Variants in SDK1 observed in about 807,000 individuals in gnomAD.
The protein encoded by SDK1 is protein sidekick-1.
SDK1 carries 157 observed loss-of-function variants against 245.5 expected under a neutral mutation model. The ratio of observed to expected loss-of-function variants is 0.64; its 90% CI spans 0.56 to 0.73. SDK1 has a LOEUF of 0.73. SDK1 is among the 30% of genes least tolerant of loss of function. The pLI, the probability that SDK1 is intolerant of heterozygous loss-of-function variation, is 0.00. For missense variants in SDK1, 3,583 were observed against 3,002.3 expected (o/e 1.19, Z -4.52); for synonymous variants, 1,647 against 1,278.5 (o/e 1.29, Z -6.15).
chr7:4,019,051 G>A (rs577358520), intron 17 of SDK1, among the ~76,000 whole-genome samples: 3 of 152,150 alleles, frequency 2.0e-5, no homozygotes, highest in African/African-American at 7.2e-5. Context: ...ATGCAGTTTC[G>A]GCCCCACAAG....
chr7:3,821,372 T>G (rs1351602450), intron 4 of SDK1, 78 bp from the exon 5 acceptor site: 21 of 1,482,112 alleles, frequency 1.4e-5, no homozygotes, highest in Non-Finnish European at 1.9e-5. Flanking sequence ...CCTTTATAGT[T>G]GGCCTAATTA....
intron 4 of SDK1, among the ~76,000 whole-genome samples, chr7:3,647,125 C>G (rs537037278): frequency 3.3e-4 from 51 of 152,310 alleles, no homozygotes; most frequent in Non-Finnish European, 5.7e-4. Context: ...GTGGCTCACA[C>G]CTGTACTCCC....
chr7:3,380,959 C>A (rs746340267), intron 1 of SDK1, among the ~76,000 whole-genome samples: 1 of 152,140 alleles, frequency 6.6e-6, no homozygotes, highest in Non-Finnish European at 1.5e-5. Flanking sequence ...TTATGTTTTT[C>A]AAACTGGAGC....
chr7:3,547,364 G>A (rs1779257042), intron 1 of SDK1, among the ~76,000 whole-genome samples: 1 of 152,112 alleles, frequency 6.6e-6, no homozygotes, highest in Admixed American at 6.6e-5. Flanking sequence ...TAAAATTGAG[G>A]TTTTAAAACT....
intron 1 of SDK1, among the ~76,000 whole-genome samples, chr7:3,394,648 A>G (rs1781846773): frequency 6.6e-6 from 1 of 152,132 alleles, no homozygotes; most frequent in East Asian, 1.9e-4. Flanking sequence ...CTTTCGATCC[A>G]TAAATATTGA....
At chr7:4,190,901 G>T (rs1343933264) in intron 35 of SDK1, among the ~76,000 whole-genome samples, 1 of 152,220 alleles carries the variant, frequency 6.6e-6, no homozygotes, top group Non-Finnish European at 1.5e-5. Flanking sequence ...CTGGGCCGGA[G>T]GGTGGAGGGC....
At chr7:3,398,768 GTTT>G (rs35147042) in intron 1 of SDK1, among the ~76,000 whole-genome samples, 1 of 136,962 alleles carries the variant, frequency 7.3e-6, no homozygotes, top group Non-Finnish European at 1.6e-5. Flanking sequence ...GCCCCCAGTA[GTTT>G]TTTTTTTTTT....
intron 1 of SDK1, among the ~76,000 whole-genome samples, chr7:3,547,478 C>T (rs535681908): frequency 6.6e-6 from 1 of 152,272 alleles, no homozygotes; most frequent in Non-Finnish European, 1.5e-5. Flanking sequence ...CGTTGTTATA[C>T]TTCAATTGTA....
chr7:4,027,413 G>A (rs1008567597), intron 17 of SDK1, among the ~76,000 whole-genome samples: 1 of 152,192 alleles, frequency 6.6e-6, no homozygotes, highest in Admixed American at 6.5e-5. Context: ...TGTAGGTGGG[G>A]TTTGCACAGT....
intron 1 of SDK1, among the ~76,000 whole-genome samples, chr7:3,328,597 C>G (rs1045757629): frequency 1.3e-5 from 2 of 151,996 alleles, no homozygotes; most frequent in African/African-American, 4.8e-5. Context: ...TCCTTGTACT[C>G]AAAGATAACT....
intron 4 of SDK1, among the ~76,000 whole-genome samples, chr7:3,773,433 C>T (rs374319588): frequency 2.0e-5 from 3 of 151,752 alleles, no homozygotes; most frequent in East Asian, 1.9e-4. Context: ...TTTGTTCAAA[C>T]GTTGTTTTCT....
At chr7:3,550,200 G>A (rs1336558510) in intron 1 of SDK1, among the ~76,000 whole-genome samples, 3 of 151,992 alleles carry the variant, frequency 2.0e-5, no homozygotes, top group African/African-American at 7.3e-5. Context: ...ATATATAATT[G>A]AGATAGCACC....
chr7:3,698,099 C>A (rs1424330555), intron 4 of SDK1, among the ~76,000 whole-genome samples: 1 of 152,086 alleles, frequency 6.6e-6, no homozygotes, highest in Non-Finnish European at 1.5e-5. Flanking sequence ...AAGAAAAGCA[C>A]CCCCAAACCC....
intron 5 of SDK1, among the ~76,000 whole-genome samples, chr7:3,838,064 G>C (rs1291401315): frequency 1.3e-5 from 2 of 152,196 alleles, no homozygotes; most frequent in African/African-American, 2.4e-5. Flanking sequence ...GGAGCCCTGT[G>C]TGCTGGGAGA....
intron 35 of SDK1, among the ~76,000 whole-genome samples, chr7:4,188,664 A>G (rs1181452175): frequency 1.3e-5 from 2 of 151,172 alleles, no homozygotes; most frequent in African/African-American, 2.4e-5. Flanking sequence ...TATGTTTTCC[A>G]TTAAACTCTT....
rs549497253 is a variant in SDK1 at position 3,797,010 on chromosome 7, T to C, written c.714-24440T>C. ...TTCTTTTTCTTTCTTTCTTTCTTTC[T>C]TTTTTTTCTTTAGAGACAGGGTCTT... On this transcript the variant is annotated intron_variant, in intron 4 of 44. Transcript: ENST00000404826. Among the ~76,000 whole-genome samples the C allele has an allele frequency of 5.9e-5, 9 of 152,038 alleles. No individual in the cohort carries two copies. The East Asian group carries it at 1.5e-3, about 26-fold the overall frequency.
At chr7:4,222,387 C>T (rs933746427) in intron 40 of SDK1, among the ~76,000 whole-genome samples, 2 of 152,120 alleles carry the variant, frequency 1.3e-5, no homozygotes, top group African/African-American at 2.4e-5. Flanking sequence ...CTCTGCCTCC[C>T]GGGTTCAAGC....
chr7:3,971,024 T>A (rs887486098), intron 11 of SDK1, among the ~76,000 whole-genome samples: 7 of 152,266 alleles, frequency 4.6e-5, no homozygotes, highest in African/African-American at 1.7e-4. Context: ...CTGAGAATAG[T>A]AATATTTAGC....
chr7:3,739,666 C>G (rs1253729891), intron 4 of SDK1, among the ~76,000 whole-genome samples: 1 of 151,980 alleles, frequency 6.6e-6, no homozygotes, highest in Non-Finnish European at 1.5e-5. Context: ...AGACGTAGTT[C>G]TCATACTTTA....
Sources: gnomAD v4.1 joint callset for allele counts (sites outside exome capture counted in the v4.1 genomes callset) on GRCh38, gnomAD v4.1.1 for gene constraint, MANE v1.5 for transcripts, NCBI Gene and HGNC (gene_info 2026-07-23, HGNC 2026-07-21) for gene names.